The following TENM3 variants were observed in gnomAD, a reference collection of about 807,000 sequenced individuals.
TENM3 encodes the protein teneurin transmembrane protein 3, also known as teneurin-3.
A neutral mutation model predicts 255.1 loss-of-function variants in TENM3; 63 were observed. The observed-to-expected ratio is 0.25, with a 90% confidence interval of 0.20 to 0.30. The LOEUF (loss-of-function observed/expected upper bound fraction) is 0.30. Among genes scored for constraint, TENM3 ranks in the 10% least tolerant of loss-of-function variants. The pLI is 1.00. For missense variants in TENM3, 2,929 were observed against 3,461.1 expected (o/e 0.85, Z 3.86); for synonymous variants, 1,306 against 1,322.3 (o/e 0.99, Z 0.27).
the TENM3 span, among the ~76,000 whole-genome samples, chr4:182,034,821 T>C: frequency 6.6e-6 from 1 of 152,212 alleles, no homozygotes; most frequent in Non-Finnish European, 1.5e-5. Context: ...TAACATTTTT[T>C]CCTTCATTTC....
the TENM3 span, among the ~76,000 whole-genome samples, chr4:181,991,084 C>T: frequency 6.6e-6 from 1 of 151,998 alleles, no homozygotes; most frequent in South Asian, 2.1e-4. Context: ...TTCTGAAATG[C>T]TACATTAAGC....
the TENM3 span, among the ~76,000 whole-genome samples, chr4:182,025,117 C>A: frequency 6.6e-6 from 1 of 150,716 alleles, no homozygotes; most frequent in Admixed American, 6.6e-5. Context: ...CAAGCTCCGC[C>A]TTGCGGGTTC....
At chr4:182,663,217 G>A (rs1046585888) in intron 6 of TENM3, among the ~76,000 whole-genome samples, 1 of 152,100 alleles carries the variant, frequency 6.6e-6, no homozygotes, top group African/African-American at 2.4e-5. Flanking sequence ...ATATTTCATG[G>A]GAAAAGCTAG....
intron 1 of TENM3, among the ~76,000 whole-genome samples, chr4:182,226,037 C>T (rs1483478945): frequency 1.3e-5 from 2 of 152,094 alleles, no homozygotes; most frequent in East Asian, 1.9e-4. Flanking sequence ...ATAGCTAGAA[C>T]GTTGATCACT....
the TENM3 span, among the ~76,000 whole-genome samples, chr4:181,660,888 A>G: frequency 2.0e-5 from 3 of 152,192 alleles, no homozygotes; most frequent in Admixed American, 2.0e-4. Flanking sequence ...TGTATTTCTA[A>G]GGATTACATT....
intron 3 of TENM3, among the ~76,000 whole-genome samples, chr4:182,405,835 GA>G (rs1372019551): frequency 2.0e-5 from 3 of 152,196 alleles, no homozygotes; most frequent in Non-Finnish European, 4.4e-5. Flanking sequence ...CTCAGGGACA[GA>G]AGGCAGGCAA....
chr4:181,564,486 T>G, the TENM3 span, among the ~76,000 whole-genome samples: 1 of 152,090 alleles, frequency 6.6e-6, no homozygotes, highest in South Asian at 2.1e-4. Context: ...CCTAAGCTCT[T>G]AAACGCCATG....
chr4:182,076,760 T>C, the TENM3 span, among the ~76,000 whole-genome samples: 1 of 152,144 alleles, frequency 6.6e-6, no homozygotes, highest in East Asian at 1.9e-4. Flanking sequence ...GACTTTTGGC[T>C]TTGTGGGCCC....
chr4:181,564,028 C>CTTTTTTTTTTTTTTTT, the TENM3 span, among the ~76,000 whole-genome samples: 2 of 94,714 alleles, frequency 2.1e-5, no homozygotes, highest in Non-Finnish European at 4.3e-5. Flanking sequence ...CTTTTCTTTT[C>CTTTTTTTTTTTTTTTT]TTTTCTTTTT....
the TENM3 span, among the ~76,000 whole-genome samples, chr4:181,851,646 GCACA>G: frequency 3.3e-5 from 5 of 151,916 alleles, no homozygotes; most frequent in South Asian, 4.2e-4. Context: ...ATGCACACAC[GCACA>G]CACACTCATG....
intron 3 of TENM3, among the ~76,000 whole-genome samples, chr4:182,564,677 G>T (rs1743586968): frequency 6.6e-6 from 1 of 151,618 alleles, no homozygotes; most frequent in Non-Finnish European, 1.5e-5. Flanking sequence ...TTAATGAATG[G>T]CTAAAGTGCC....
rs1767003519 is a variant in TENM3, at chr4:182,801,969, A to G, written c.*1618A>G. On this transcript the variant is annotated 3_prime_UTR_variant, in exon 28 of 28. Coordinates refer to ENST00000511685, the MANE Select transcript of TENM3 (RefSeq NM_001080477.4). ...AAGATATTTCTCAGTTCATCGAGCT[A>G]TAGTACACACTGTTTTCCTCTATGT... The G allele has an allele frequency of 6.5e-6, 1 of 152,690 alleles. No individual in the cohort carries two copies. Among genetic ancestry groups the G allele is most frequent in the African/African-American group, 2.4e-5 (1 of 41,470 alleles). The allele number at this position is 152,690 out of a possible 1,614,324, so 9.5% of individuals were successfully genotyped here.
chr4:182,029,809 T>A, the TENM3 span, among the ~76,000 whole-genome samples: 4 of 152,154 alleles, frequency 2.6e-5, no homozygotes, highest in African/African-American at 9.7e-5. Flanking sequence ...TTAATTTTTT[T>A]AAATTAGTAT....
intron 3 of TENM3, among the ~76,000 whole-genome samples, chr4:182,421,237 A>G (rs962692018): frequency 1.3e-5 from 2 of 152,004 alleles, no homozygotes; most frequent in African/African-American, 4.8e-5. Context: ...TTATTATCTC[A>G]CCTTCTTCTC....
chr4:181,977,513 G>T, the TENM3 span, among the ~76,000 whole-genome samples: 2 of 152,122 alleles, frequency 1.3e-5, no homozygotes. Context: ...TTGGAAAAAT[G>T]AAGAGACAGT....
chr4:181,894,677 A>G, the TENM3 span, among the ~76,000 whole-genome samples: 1 of 151,868 alleles, frequency 6.6e-6, no homozygotes, highest in Non-Finnish European at 1.5e-5. Context: ...GGTCAGTTTT[A>G]TCTGAGATCT....
chr4:182,012,968 G>A, the TENM3 span: 1 of 151,474 alleles, frequency 6.6e-6, no homozygotes, highest in Non-Finnish European at 1.5e-5. Context: ...CACTTTCATG[G>A]TATTTTAGTC....
At chr4:182,475,676 T>C (rs1733626838) in intron 3 of TENM3, among the ~76,000 whole-genome samples, 1 of 152,230 alleles carries the variant, frequency 6.6e-6, no homozygotes, top group African/African-American at 2.4e-5. Flanking sequence ...TTCATAAATT[T>C]AACTTGTGAA....
the TENM3 span, among the ~76,000 whole-genome samples, chr4:181,670,538 T>A: frequency 6.6e-6 from 1 of 152,228 alleles, no homozygotes; most frequent in African/African-American, 2.4e-5. Flanking sequence ...CACCCATATA[T>A]GTGATCTTTT....
Sources: gnomAD v4.1 joint callset for allele counts (sites outside exome capture counted in the v4.1 genomes callset) on GRCh38, gnomAD v4.1.1 for gene constraint, MANE v1.5 for transcripts, NCBI Gene and HGNC (gene_info 2026-07-23, HGNC 2026-07-21) for gene names.